The following CAPN15 variants were observed in gnomAD, a reference collection of about 807,000 sequenced individuals.
The protein encoded by CAPN15 is calpain-15.
CAPN15 carries 53 observed loss-of-function variants against 97.9 expected under a neutral mutation model. The observed-to-expected ratio is 0.54, with a 90% confidence interval of 0.43 to 0.68. The LOEUF is 0.68. CAPN15 is among the 30% of genes least tolerant of loss of function. The probability of loss-of-function intolerance (pLI) is 0.00; values close to 1 mark genes in which losing one functional copy is unlikely to be tolerated. For synonymous variants in CAPN15, 922 were observed against 722.5 expected, an observed-to-expected ratio of 1.28 and a Z score of -4.43; for missense variants, 1,592 against 1,589.8, an observed-to-expected ratio of 1.00 and a Z score of -0.02.
At chr16:550,406 C>T (rs572081794) in intron 7 of CAPN15, among the ~76,000 whole-genome samples, 6 of 152,356 alleles carry the variant, frequency 3.9e-5, no homozygotes, top group Admixed American at 1.3e-4. Flanking sequence ...AGGCCCTGTG[C>T]GCTTCAGGCA....
chr16:548,105 C>T lies in CAPN15; in HGVS notation c.1267C>T (p.Leu423=), dbSNP rs1233801342. Residue 423 remains leucine, a synonymous_variant, in exon 4 of 14, where the codon CTG becomes TTG. Transcript: ENST00000219611. ...PGQWACPACT[L]LNALRAKHCA... is the part of the protein sequence containing the mutation. The stretch of plus-strand genomic sequence containing the variant: ...CCAGTGGGCCTGCCCTGCCTGTACC[C>T]TGCTCAACGCACTGCGGGCCAAGCA... 1 of 1,538,738 alleles carries T rather than the reference C, an allele frequency of 6.5e-7. No individual in the cohort carries two copies. Among genetic ancestry groups the T allele is most frequent in the Admixed American group, 1.9e-5 (1 of 51,552 alleles).
In CAPN15 at chr16:553,055, C is replaced by CAA; in HGVS notation, c.3083+14_3083+15insAA. ...ACCCCTGCACAGGTGCGCCCCCGCCCCTGCCCCCCCACCCCTGCACAGGTG... is the reference window on the plus strand; with the variant it reads ...ACCCCTGCACAGGTGCGCCCCCGCCCAACTGCCCCCCCACCCCTGCACAGGTG... On this transcript the variant is annotated intron_variant, in intron 13 of 13. Transcript: ENST00000219611. 7.1e-7 allele frequency: 1 copy of CAA among 1,403,530 alleles called. No individual in the cohort carries two copies. The highest frequency in any genetic ancestry group is 9.6e-7 in the Non-Finnish European group (1 of 1,047,100). 86.9% of individuals were successfully genotyped at this position (1,403,530 alleles called of 1,614,324 possible). A position where few individuals can be genotyped will look rare whatever the true frequency, so the allele number is the denominator to read the frequency against.
At position 547,591 on chromosome 16, in the gene CAPN15, T is replaced by C; in HGVS notation, c.753T>C (p.Val251=). 6.4e-7 allele frequency: 1 copy of C among 1,574,352 alleles called. No homozygotes were observed. The highest frequency in any genetic ancestry group is 2.3e-5 in the East Asian group (1 of 44,078). The change falls in exon 4 of 14, where the codon GTT becomes GTC. Residue 251 remains valine, a synonymous_variant. Coordinates refer to ENST00000219611, the MANE Select transcript of CAPN15 (RefSeq NM_005632.3). ...CCGTGCCGCGCAGCCGACGCGAGGTTCCCCCCCAGCTGCAGCCACCGGTGC... is the reference window on the plus strand; with the variant it reads ...CCGTGCCGCGCAGCCGACGCGAGGTCCCCCCCCAGCTGCAGCCACCGGTGC... ...NNPVPRSRRE[V]PPQLQPPVPE... is the part of the protein sequence containing the mutation.
rs2035276846 is a variant in CAPN15 at position 553,831 on chromosome 16, C to T, written c.*315C>T. ...AGGCCAGGCTGCCCCTCCCTGTGGG[C>T]TCAGGGTCTCCTGCGGGCTAGGCAG... On this transcript the variant is annotated 3_prime_UTR_variant, in exon 14 of 14. Transcript: ENST00000219611. 1.4e-5 allele frequency: 4 copies of T among 295,470 alleles called. No homozygotes were observed. The South Asian group carries it at 3.7e-4, about 27-fold the overall frequency. The allele number at this position is 295,470 out of a possible 1,614,324, so 18.3% of individuals were successfully genotyped here.
intron 3 of CAPN15, chr16:538,498 TC>T (rs1208079867): frequency 6.6e-6 from 1 of 152,118 alleles, no homozygotes; most frequent in Non-Finnish European, 1.5e-5. Context: ...GCTTCAACCC[TC>T]CCACGACCCC....
At chr16:551,129 T>TGGTGAGGGCCCCGGTC (rs2035031793) in intron 7 of CAPN15, among the ~76,000 whole-genome samples, 173 bp from the exon 8 acceptor site, 4 of 9,126 alleles carry the variant, frequency 4.4e-4, no homozygotes, top group East Asian at 3.4e-3. Context: ...GGGCCCCTGT[T>TGGTGAGGGCCCCGGTC]GGTGAGGGCC....
chr16:551,886 C>T, intron 9 of CAPN15, 165 bp from the exon 10 acceptor site: 2 of 978,444 alleles, frequency 2.0e-6, no homozygotes, highest in Non-Finnish European at 1.6e-6. Context: ...GGAGGGCTTC[C>T]TATTATAGGC....
intron 1 of CAPN15, among the ~76,000 whole-genome samples, chr16:531,646 G>A (rs1215291959): frequency 6.9e-6 from 1 of 145,404 alleles, no homozygotes; most frequent in African/African-American, 2.6e-5. Flanking sequence ...AGGGCCACAC[G>A]GCTCCCAAGG....
rs116442579 is a variant in CAPN15 at position 554,021 on chromosome 16, C to G, written c.*505C>G. ...TCCCTGGAGCCCTGGTGTGGAGCGG[C>G]GAGTCCCGGGGCGGTGCCTGTCTCA... On this transcript the variant is annotated 3_prime_UTR_variant, in exon 14 of 14. Transcript: ENST00000219611. The G allele has an allele frequency of 5.7e-6, 1 of 176,032 alleles. No individual in the cohort carries two copies. Among genetic ancestry groups the G allele is most frequent in the Admixed American group, 5.6e-5 (1 of 17,872 alleles). 10.9% of individuals were successfully genotyped at this position (176,032 alleles called of 1,614,324 possible). A position where few individuals can be genotyped will look rare whatever the true frequency, so the allele number is the denominator to read the frequency against.
At position 554,339 on chromosome 16, in the gene CAPN15, A is replaced by G; in HGVS notation, c.*823A>G. The G allele has an allele frequency of 2.7e-6, 1 of 369,970 alleles. No homozygotes were observed. The highest frequency in any genetic ancestry group is 5.3e-6 in the Non-Finnish European group (1 of 188,000). 22.9% of individuals were successfully genotyped at this position (369,970 alleles called of 1,614,324 possible). On this transcript the variant is annotated 3_prime_UTR_variant, in exon 14 of 14. Coordinates refer to ENST00000219611, the MANE Select transcript of CAPN15 (RefSeq NM_005632.3). ...CAGGAGTGTGTGGACGTCTGAGCCC[A>G]GCTTTCTGCGTGCCCTCCTGGCCCC...
At chr16:542,554 T>G (rs1202354838) in intron 3 of CAPN15, among the ~76,000 whole-genome samples, 5 of 152,178 alleles carry the variant, frequency 3.3e-5, no homozygotes, top group Non-Finnish European at 7.3e-5. Context: ...TCTCCCTGTC[T>G]CATCCACCCG....
Position 551,611 on chromosome 16 carries a change from G to A in CAPN15, c.2292G>A (p.Met764Ile). The change falls in exon 9 of 14, where the codon ATG (methionine) becomes ATA (isoleucine). Residue 764 changes from methionine to isoleucine, a missense_variant. Met to Ile is a conservative substitution (Grantham distance 10). Coordinates refer to ENST00000219611, the MANE Select transcript of CAPN15 (RefSeq NM_005632.3). ...CGGGGCACCTGCGTGGCGAGCTCAT[G>A]CCGCACGGCAGCAGTGAGGGTGTCT... ...HWPGHLRGEL[M>I]PHGSSEGVFW... is the part of the protein sequence containing the mutation. The A allele has an allele frequency of 6.2e-7, 1 of 1,607,122 alleles. No individual in the cohort carries two copies. The highest frequency in any genetic ancestry group is 8.5e-7 in the Non-Finnish European group (1 of 1,178,572).
At chr16:539,680 G>A (rs1329013121) in intron 3 of CAPN15, 1 of 152,358 alleles carries the variant, frequency 6.6e-6, no homozygotes, top group African/African-American at 2.4e-5. Context: ...AGTGGCATGT[G>A]GGCAGCTGTG....
intron 4 of CAPN15, 79 bp from the exon 5 acceptor site, chr16:548,914 T>G: frequency 7.4e-7 from 1 of 1,360,154 alleles, no homozygotes; most frequent in Non-Finnish European, 1.0e-6. Context: ...TTGGGCGCTC[T>G]CCTGGGTGGG....
intron 4 of CAPN15, 25 bp from the exon 5 acceptor site, chr16:548,968 G>C (rs2034800651): frequency 7.5e-6 from 12 of 1,610,176 alleles, no homozygotes; most frequent in Non-Finnish European, 1.0e-5. Flanking sequence ...TGCCCAGCCT[G>C]AGCACATGGC....
chr16:544,703 G>A (rs1161716549), intron 3 of CAPN15, among the ~76,000 whole-genome samples: 4 of 134,134 alleles, frequency 3.0e-5, no homozygotes, highest in Admixed American at 3.0e-4. Context: ...CCTCCCCCAC[G>A]TCGCCTCCCC....
Position 547,878 on chromosome 16 carries a change from C to G in CAPN15, c.1040C>G (p.Ala347Gly). Reference protein sequence around the residue: ...SSPDFTTWSCAKCTLRNPTVA... With the variant: ...SSPDFTTWSCGKCTLRNPTVA... ...CCCGACTTCACCACCTGGTCATGTG[C>G]CAAGTGCACGCTCAGAAACCCCACA... The change falls in exon 4 of 14, where the codon GCC becomes GGC. Residue 347 changes from alanine to glycine, a missense_variant. By Grantham distance (60) the Ala-to-Gly change is moderately conservative. Transcript: ENST00000219611. The G allele has an allele frequency of 6.2e-7, 1 of 1,611,350 alleles. No individual in the cohort carries two copies. The highest frequency in any genetic ancestry group is 8.5e-7 in the Non-Finnish European group (1 of 1,179,342).
At chr16:546,659 G>A (rs1446624429) in intron 3 of CAPN15, among the ~76,000 whole-genome samples, 158 bp from the exon 4 acceptor site, 1 of 152,104 alleles carries the variant, frequency 6.6e-6, no homozygotes, top group Non-Finnish European at 1.5e-5. Context: ...CTGGGTGGAG[G>A]CAGCCCCCAC....
Position 531,776 on chromosome 16 carries a change from C to T in CAPN15, c.-189-2170C>T, listed in dbSNP as rs2033281928. On this transcript the variant is annotated intron_variant, in intron 1 of 13. Coordinates refer to ENST00000219611, the MANE Select transcript of CAPN15 (RefSeq NM_005632.3). ...CACACGGCTCCCAAGGCCCCCGTCC[C>T]CTTCTCTGGGGTGACAGGTGCCCCC... 3.9e-5 allele frequency among the ~76,000 whole-genome samples: 6 copies of T among 152,174 alleles called. No individual in the cohort carries two copies. The South Asian group carries it at 1.2e-3, about 32-fold the overall frequency.
Sources: gnomAD v4.1 joint callset for allele counts (sites outside exome capture counted in the v4.1 genomes callset) on GRCh38, gnomAD v4.1.1 for gene constraint, MANE v1.5 for transcripts, NCBI Gene and HGNC (gene_info 2026-07-23, HGNC 2026-07-21) for gene names.